MIGA1: variants seen among roughly 807,000 people sequenced by gnomAD.
MIGA1 encodes the protein family with sequence similarity 73, member A.
In MIGA1, 58 loss-of-function variants were observed where a neutral mutation model predicts 82.0. The observed-to-expected ratio is 0.71, with a 90% CI of 0.57 to 0.88. The LOEUF (loss-of-function observed/expected upper bound fraction) is 0.88. Ranked by LOEUF, MIGA1 falls within the 40% of genes least tolerant of loss-of-function variation. The probability of loss-of-function intolerance (pLI) is 0.00; values close to 1 mark genes in which losing one functional copy is unlikely to be tolerated. For missense variants in MIGA1, 751 were observed against 749.1 expected, an observed-to-expected ratio of 1.00 and a Z score of -0.03; for synonymous variants, 249 against 253.6, an observed-to-expected ratio of 0.98 and a Z score of 0.17.
At chr1:77,837,385 G>A (rs949223352) in intron 7 of MIGA1, among the ~76,000 whole-genome samples, 15 of 152,098 alleles carry the variant, frequency 9.9e-5, no homozygotes, top group Admixed American at 9.8e-4. Flanking sequence ...CCAGGGCTCC[G>A]TAGTTTATAG....
intron 8 of MIGA1, chr1:77,847,629 G>A (rs1318759622): frequency 1.3e-6 from 2 of 1,552,878 alleles, no homozygotes; most frequent in Non-Finnish European, 1.8e-6. Context: ...AAAGAGGGCT[G>A]CTGCGCTGGA....
chr1:77,860,085 G>A lies in MIGA1; in HGVS notation c.1234G>A (p.Gly412Arg), dbSNP rs751797091. 19 of 1,611,946 alleles carry A rather than the reference G, an allele frequency of 1.2e-5. No individual in the cohort carries two copies. The highest frequency in any genetic ancestry group is 1.7e-5 in the Admixed American group (1 of 59,790). The change falls in exon 11 of 16, where the codon GGA becomes AGA. Residue 412 changes from glycine to arginine, a missense_variant. Gly to Arg is a moderately radical substitution (Grantham distance 125). Coordinates refer to ENST00000370791, the MANE Select transcript of MIGA1 (RefSeq NM_198549.4). ...TAACAGGATATTCCTCGCTGAGAGCGGAAGGAAAATTTTATCAGCTTTAAT... is the reference window on the plus strand; with the variant it reads ...TAACAGGATATTCCTCGCTGAGAGCAGAAGGAAAATTTTATCAGCTTTAAT...
intron 5 of MIGA1, 50 bp from the exon 6 acceptor site, chr1:77,813,684 T>C (rs1312718239): frequency 1.3e-6 from 2 of 1,591,776 alleles, no homozygotes; most frequent in African/African-American, 2.7e-5. Context: ...AATAATTTTA[T>C]TTTGGCATTG....
chr1:77,815,521 GAATAAA>G (rs1349001275), intron 7 of MIGA1, among the ~76,000 whole-genome samples: 1 of 151,986 alleles, frequency 6.6e-6, no homozygotes, highest in African/African-American at 2.4e-5. Context: ...AGGGAGAAAA[GAATAAA>G]AATACACAAA....
chr1:77,826,472 T>C (rs1264944197), intron 7 of MIGA1, among the ~76,000 whole-genome samples: 2 of 152,140 alleles, frequency 1.3e-5, no homozygotes, highest in Non-Finnish European at 2.9e-5. Context: ...TATCCTATTA[T>C]TATTAATTAT....
At chr1:77,873,205 A>G (rs1646862777) in intron 15 of MIGA1, 85 bp downstream of exon 15, 2 of 1,309,318 alleles carry the variant, frequency 1.5e-6, no homozygotes, top group Non-Finnish European at 2.1e-6. Flanking sequence ...TTGCTTTTGT[A>G]GAAGAACAAA....
chr1:77,851,876 C>CTT lies in MIGA1; in HGVS notation c.997-7045_997-7044dup, dbSNP rs374230686. Among the ~76,000 whole-genome samples the CTT allele has an allele frequency of 8.5e-3, 1,025 of 120,332 alleles. 13 individuals are homozygous for CTT. The highest frequency in any genetic ancestry group is 0.028 in the Middle Eastern group (6 of 216). 78.9% of individuals were successfully genotyped at this position (120,332 alleles called of 152,430 possible). On this transcript the variant is annotated intron_variant, in intron 8 of 15. Coordinates refer to ENST00000370791, the MANE Select transcript of MIGA1 (RefSeq NM_198549.4). ...ATTGGAGCCCAGTTTAGTTTTCTTTCTTTTTTTTTTTTTTTTTTGAGACAG... is the reference window on the plus strand; with the variant it reads ...ATTGGAGCCCAGTTTAGTTTTCTTTCTTTTTTTTTTTTTTTTTTTTGAGACAG...
intron 5 of MIGA1, chr1:77,811,522 T>G: frequency 6.3e-7 from 1 of 1,592,430 alleles, no homozygotes; most frequent in Non-Finnish European, 8.6e-7. Flanking sequence ...GTCCTCCAGT[T>G]TAAATTCTTC....
chr1:77,859,404 A>T lies in MIGA1; in HGVS notation c.1188+18A>T, dbSNP rs1386270645. ...CTTTTCAGGTATTTTTTTAACATTA[A>T]GTGACTTCACCCAGCCACTCATCCC... On this transcript the variant is annotated intron_variant, in intron 10 of 15. Transcript: ENST00000370791. 11 of 1,596,636 alleles carry T rather than the reference A, an allele frequency of 6.9e-6. No individual in the cohort carries two copies. The highest frequency in any genetic ancestry group is 9.4e-6 in the Non-Finnish European group (11 of 1,164,234).
intron 2 of MIGA1, among the ~76,000 whole-genome samples, chr1:77,801,063 T>A (rs1682861219): frequency 6.6e-6 from 1 of 152,188 alleles, no homozygotes; most frequent in Admixed American, 6.5e-5. Flanking sequence ...CAAAAAATAT[T>A]AACGGGGTTG....
chr1:77,788,695 A>T (rs1435424914), intron 2 of MIGA1, among the ~76,000 whole-genome samples: 4 of 150,006 alleles, frequency 2.7e-5, no homozygotes, highest in East Asian at 3.9e-4. Flanking sequence ...TGTTGAAAAA[A>T]CTCTCCATTT....
chr1:77,784,005 A>C (rs1204574681), intron 2 of MIGA1, among the ~76,000 whole-genome samples: 1 of 152,124 alleles, frequency 6.6e-6, no homozygotes, highest in Non-Finnish European at 1.5e-5. Flanking sequence ...TTTCTTTTTA[A>C]GGTAGAATAA....
chr1:77,866,460 T>G, intron 14 of MIGA1, 69 bp downstream of exon 14: 1 of 1,461,086 alleles, frequency 6.8e-7, no homozygotes, highest in Non-Finnish European at 9.6e-7. Context: ...AGCTTCTGAG[T>G]CACTTCTCCG....
At chr1:77,850,711 T>C (rs1685012557) in intron 8 of MIGA1, among the ~76,000 whole-genome samples, 1 of 152,198 alleles carries the variant, frequency 6.6e-6, no homozygotes, top group Non-Finnish European at 1.5e-5. Context: ...TTGTACCTCA[T>C]GGGGCCCAAG....
rs147408294 is a variant in MIGA1, at chr1:77,788,614, G to A, written c.195+5263G>A. On this transcript the variant is annotated intron_variant, in intron 2 of 15. Coordinates refer to ENST00000370791, the MANE Select transcript of MIGA1 (RefSeq NM_198549.4). ...CTTAGGGTTTTAGGACTTATATTTA[G>A]GTCTTTGATCCATTTTGAGTTAATT... is the stretch of plus-strand genomic sequence containing the variant. Among the ~76,000 whole-genome samples the A allele has an allele frequency of 5.9e-5, 9 of 152,150 alleles. No homozygotes were observed. The East Asian group carries it at 1.5e-3, about 26-fold the overall frequency.
At chr1:77,793,408 G>T (rs910715993) in intron 2 of MIGA1, among the ~76,000 whole-genome samples, 1 of 151,626 alleles carries the variant, frequency 6.6e-6, no homozygotes, top group Non-Finnish European at 1.5e-5. Context: ...CAGCCTATTT[G>T]CTTTTTTTAC....
rs1646861298 is a variant in MIGA1 at position 77,873,045 on chromosome 1, A to G, written c.1605A>G (p.Glu535=). 1.2e-6 allele frequency: 2 copies of G among 1,614,030 alleles called. No individual in the cohort carries two copies. Among genetic ancestry groups the G allele is most frequent in the Middle Eastern group, 1.6e-4 (1 of 6,062 alleles). The change falls in exon 15 of 16, where the codon GAA becomes GAG. Residue 535 remains glutamate, a synonymous_variant. Transcript: ENST00000370791. ...TTGCCCATTTTTATGCCATTTGTGA[A>G]CACATCAGTCCTGTCCTAGCCTGGG...
intron 4 of MIGA1, among the ~76,000 whole-genome samples, chr1:77,806,414 C>T (rs971959286): frequency 2.6e-5 from 4 of 152,194 alleles, no homozygotes; most frequent in Middle Eastern, 3.4e-3. Flanking sequence ...AATGGAGTCA[C>T]CTAAAAGGCA....
intron 2 of MIGA1, among the ~76,000 whole-genome samples, chr1:77,784,205 T>C (rs902499132): frequency 7.2e-5 from 11 of 152,102 alleles, no homozygotes; most frequent in Admixed American, 7.2e-4. Flanking sequence ...AATTCTACTT[T>C]TAATTAAATT....
Sources: allele counts gnomAD v4.1 joint callset (sites outside exome capture counted in the v4.1 genomes callset), GRCh38; gene constraint gnomAD v4.1.1; transcripts MANE v1.5; gene names NCBI Gene and HGNC (gene_info 2026-07-23, HGNC 2026-07-21).